TBC1D22A: variants seen among roughly 807,000 people sequenced by gnomAD.
TBC1D22A encodes putative GTPase activator.
Under a neutral mutation model 60.2 loss-of-function variants are expected in TBC1D22A, and 38 were observed. The ratio of observed to expected loss-of-function variants is 0.63; its 90% confidence interval spans 0.49 to 0.83. The LOEUF (loss-of-function observed/expected upper bound fraction) is 0.83. Among genes scored for constraint, TBC1D22A ranks in the 40% least tolerant of loss-of-function variants. The probability of loss-of-function intolerance (pLI) is 0.00; values close to 1 mark genes in which losing one functional copy is unlikely to be tolerated. For missense variants in TBC1D22A, 628 were observed against 701.0 expected (o/e 0.90, Z 1.18); for synonymous variants, 302 against 281.7 (o/e 1.07, Z -0.72).
intron 11 of TBC1D22A, among the ~76,000 whole-genome samples, chr22:47,099,359 G>A (rs777679131): frequency 5.9e-5 from 9 of 152,178 alleles, no homozygotes; most frequent in Non-Finnish European, 7.4e-5. Flanking sequence ...GTTTAGGGGC[G>A]GTCAAGAATG....
In TBC1D22A at chr22:47,073,595, G is replaced by C. The variant is rs117806257; in HGVS notation, c.1329+36397G>C. On this transcript the variant is annotated intron_variant, in intron 11 of 12. Coordinates refer to ENST00000337137, the MANE Select transcript of TBC1D22A (RefSeq NM_014346.5). ...TAAAAAAACACATAAAACCACAAGG[G>C]CTCTGATTGCTGGGTCTAGGACTTC... 1.2e-3 allele frequency among the ~76,000 whole-genome samples: 181 copies of C among 152,246 alleles called. 1 individual carries two copies. The highest frequency in any genetic ancestry group is 2.2e-3 in the Non-Finnish European group (150 of 68,030).
At chr22:46,992,564 C>T (rs1179536750) in intron 9 of TBC1D22A, among the ~76,000 whole-genome samples, 5 of 152,358 alleles carry the variant, frequency 3.3e-5, no homozygotes, top group South Asian at 2.1e-4. Context: ...CAGGACTCTC[C>T]GGGGATAGCA....
intron 4 of TBC1D22A, among the ~76,000 whole-genome samples, chr22:46,862,260 A>AC (rs1188302413): frequency 6.6e-6 from 1 of 151,494 alleles, no homozygotes; most frequent in South Asian, 2.1e-4. Context: ...CGCTCTTAGC[A>AC]CCCCCCAGGT....
intron 1 of TBC1D22A, among the ~76,000 whole-genome samples, chr22:46,764,774 T>G (rs147364396): frequency 6.4e-4 from 98 of 152,238 alleles, no homozygotes; most frequent in Non-Finnish European, 1.1e-3. Context: ...AATAGTACAT[T>G]TACAAGCCAA....
In TBC1D22A at chr22:46,872,116, A is replaced by G. The variant is rs547774645; in HGVS notation, c.638-6537A>G. 3.3e-5 allele frequency among the ~76,000 whole-genome samples: 5 copies of G among 152,326 alleles called. No homozygotes were observed. In the East Asian group the frequency reaches 7.7e-4, roughly 24 times the overall value. On this transcript the variant is annotated intron_variant, in intron 4 of 12. Coordinates refer to ENST00000337137, the MANE Select transcript of TBC1D22A (RefSeq NM_014346.5). ...AATACAAGAAGAAATGGAGACCTTT[A>G]ATATCCTTATATTGATTAAAAAAAT...
chr22:46,768,355 G>A (rs190657648), intron 1 of TBC1D22A, among the ~76,000 whole-genome samples: 2 of 151,822 alleles, frequency 1.3e-5, no homozygotes, highest in African/African-American at 2.4e-5. Flanking sequence ...CGTGGTGGCA[G>A]GCGCCTGTAA....
At chr22:47,159,697 A>T (rs1400501070) in intron 12 of TBC1D22A, among the ~76,000 whole-genome samples, 1 of 151,660 alleles carries the variant, frequency 6.6e-6, no homozygotes, top group Non-Finnish European at 1.5e-5. Context: ...TGCACCACAC[A>T]CCACATATAC....
chr22:47,150,851 C>G (rs934708875), intron 12 of TBC1D22A, among the ~76,000 whole-genome samples: 1 of 152,212 alleles, frequency 6.6e-6, no homozygotes, highest in Admixed American at 6.5e-5. Context: ...AGCTAGAGAC[C>G]TCCGCCCCCA....
rs868298303 is a variant in TBC1D22A at position 46,971,616 on chromosome 22, C to T, written c.1016-2674C>T. Among the ~76,000 whole-genome samples the T allele has an allele frequency of 8.5e-5, 13 of 152,314 alleles. No individual in the cohort carries two copies. The South Asian group carries it at 2.5e-3, about 29-fold the overall frequency. On this transcript the variant is annotated intron_variant, in intron 8 of 12. Transcript: ENST00000337137. ...TGTCTATTTGCTTGGCTTTTGCTGC[C>T]GGTCCTTCCAGTAGGAAAGGCGTTA...
chr22:46,929,698 G>A (rs886410312), intron 8 of TBC1D22A, among the ~76,000 whole-genome samples: 7 of 61,016 alleles, frequency 1.1e-4, no homozygotes, highest in African/African-American at 5.1e-4. Context: ...GCAAAGACAA[G>A]GGTGTGTGTG....
rs141531347 is a variant in TBC1D22A at position 47,110,827 on chromosome 22, C to A, written c.1330-681C>A. ...CACCATAGCCCCAAGGTGTGCAAGC[C>A]CCGAGCCTCGGTGTGGGAGGGCCTC... On this transcript the variant is annotated intron_variant, in intron 11 of 12. Coordinates refer to ENST00000337137, the MANE Select transcript of TBC1D22A (RefSeq NM_014346.5). Among the ~76,000 whole-genome samples, 969 of 152,284 alleles carry A rather than the reference C, an allele frequency of 6.4e-3. 13 individuals carry two copies. The highest frequency in any genetic ancestry group is 0.023 in the African/African-American group (936 of 41,554).
At chr22:46,884,407 G>C (rs1342742750) in intron 5 of TBC1D22A, among the ~76,000 whole-genome samples, 1 of 152,346 alleles carries the variant, frequency 6.6e-6, no homozygotes, top group Non-Finnish European at 1.5e-5. Context: ...TCCCATCAGG[G>C]AATAGTGCCC....
At chr22:46,874,560 GTCTTT>G (rs2067447671) in intron 4 of TBC1D22A, among the ~76,000 whole-genome samples, 1 of 59,182 alleles carries the variant, frequency 1.7e-5, no homozygotes, top group African/African-American at 6.5e-5. Flanking sequence ...CTACAGGTAT[GTCTTT>G]TTTTTTTTTT....
chr22:46,915,143 G>A (rs1251169770), intron 8 of TBC1D22A: 10 of 334,086 alleles, frequency 3.0e-5, no homozygotes, highest in Non-Finnish European at 4.7e-5. Context: ...AGGGGTGTGC[G>A]AAACCCCCAG....
Position 47,094,150 on chromosome 22 carries a change from G to A in TBC1D22A, c.1330-17358G>A, listed in dbSNP as rs80115508. Among the ~76,000 whole-genome samples, 1,401 of 152,248 alleles carry A rather than the reference G, an allele frequency of 9.2e-3. 19 individuals are homozygous for A. Among genetic ancestry groups the A allele is most frequent in the African/African-American group, 0.029 (1,219 of 41,536 alleles). On this transcript the variant is annotated intron_variant, in intron 11 of 12. Transcript: ENST00000337137. ...TTGAGAGGCTGGTATCTCATTGTCC[G>A]GATCTGGTGAGTTTCAGTCCTTTGA...
At chr22:46,818,230 T>G (rs1221628276) in intron 4 of TBC1D22A, among the ~76,000 whole-genome samples, 1 of 152,246 alleles carries the variant, frequency 6.6e-6, no homozygotes, top group African/African-American at 2.4e-5. Context: ...TTTCTTTTGC[T>G]CTGCAGAAGC....
intron 12 of TBC1D22A, among the ~76,000 whole-genome samples, chr22:47,146,563 G>A (rs928379923): frequency 6.6e-5 from 10 of 152,238 alleles, no homozygotes; most frequent in Non-Finnish European, 1.3e-4. Context: ...CCAGGCAGCC[G>A]GCACCGATGC....
At chr22:47,017,852 C>T (rs2061957900) in intron 10 of TBC1D22A, among the ~76,000 whole-genome samples, 1 of 152,200 alleles carries the variant, frequency 6.6e-6, no homozygotes, top group Non-Finnish European at 1.5e-5. Flanking sequence ...TTTTTAAACA[C>T]CTTCCATCTA....
chr22:47,012,392 G>A (rs571523062), intron 10 of TBC1D22A, among the ~76,000 whole-genome samples: 100 of 152,204 alleles, frequency 6.6e-4, no homozygotes, highest in Non-Finnish European at 1.1e-3. Context: ...CTCTGTCCCC[G>A]TCCTGAACCT....
Sources: gnomAD v4.1 joint callset for allele counts (sites outside exome capture counted in the v4.1 genomes callset) on GRCh38, gnomAD v4.1.1 for gene constraint, MANE v1.5 for transcripts, NCBI Gene and HGNC (gene_info 2026-07-23, HGNC 2026-07-21) for gene names.